ZPBP: variants seen among roughly 807,000 people sequenced by gnomAD.
The protein encoded by ZPBP is zona pellucida binding protein.
A neutral mutation model predicts 44.8 loss-of-function variants in ZPBP; 26 were observed. The ratio of observed to expected loss-of-function variants is 0.58; its 90% CI spans 0.43 to 0.81. The LOEUF is 0.81. Among genes scored for constraint, ZPBP ranks in the 30% least tolerant of loss-of-function variants. ZPBP has a pLI of 0.00. For missense variants in ZPBP, 409 were observed against 434.0 expected, an observed-to-expected ratio of 0.94 and a Z score of 0.51; for synonymous variants, 174 against 153.2, an observed-to-expected ratio of 1.14 and a Z score of -1.00.
intron 2 of ZPBP, among the ~76,000 whole-genome samples, chr7:49,851,029 G>A (rs1353320341): frequency 2.6e-5 from 4 of 152,208 alleles, no homozygotes; most frequent in Non-Finnish European, 5.9e-5. Flanking sequence ...CAGGCCAGAA[G>A]TCTAAAGTAG....
chr7:50,039,833 G>A (rs1799984682), intron 4 of ZPBP, among the ~76,000 whole-genome samples: 1 of 150,054 alleles, frequency 6.7e-6, no homozygotes, highest in African/African-American at 2.4e-5. Flanking sequence ...GATGTAATAT[G>A]TGTAATATTG....
intron 1 of ZPBP, among the ~76,000 whole-genome samples, chr7:49,924,843 C>T (rs991237858): frequency 2.6e-5 from 4 of 152,184 alleles, no homozygotes; most frequent in African/African-American, 7.2e-5. Flanking sequence ...ATTTGAGGAA[C>T]GACACCCCAG....
chr7:49,954,118 C>A (rs1241476072), intron 7 of ZPBP, among the ~76,000 whole-genome samples: 1 of 151,974 alleles, frequency 6.6e-6, no homozygotes, highest in Non-Finnish European at 1.5e-5. Context: ...CTATATAGCC[C>A]AATGGAACAG....
intron 7 of ZPBP, among the ~76,000 whole-genome samples, chr7:49,957,281 G>A (rs901435870): frequency 2.0e-5 from 3 of 152,194 alleles, no homozygotes; most frequent in Non-Finnish European, 4.4e-5. Context: ...AGTGGACTAA[G>A]ATAGAAAATT....
intron 7 of ZPBP, among the ~76,000 whole-genome samples, chr7:49,953,019 T>C (rs1375423330): frequency 6.6e-6 from 1 of 152,128 alleles, no homozygotes; most frequent in East Asian, 1.9e-4. Context: ...CACAAGGAAC[T>C]GTAACTCTTT....
intron 3 of ZPBP, among the ~76,000 whole-genome samples, chr7:50,075,080 C>T (rs540497035): frequency 3.8e-4 from 57 of 151,792 alleles, no homozygotes; most frequent in Admixed American, 9.2e-4. Context: ...TCTTCTCTGA[C>T]CACAATGGAA....
At chr7:50,091,849 G>T (rs1270419066) in intron 1 of ZPBP, among the ~76,000 whole-genome samples, 2 of 152,176 alleles carry the variant, frequency 1.3e-5, no homozygotes, top group Non-Finnish European at 2.9e-5. Context: ...ATAGCAAAGT[G>T]CAAAGAAAAG....
rs202222027 is a variant in ZPBP, at chr7:50,089,714, CA to C, written c.128-6del. On this transcript the variant is annotated splice_region_variant and splice_polypyrimidine_tract_variant and intron_variant, in intron 1 of 7. Transcript: ENST00000046087. Reference sequence around the variant, plus strand: ...GTAATCGAACCAAGTGTCCAACTATCAAAAAAAAAGATCAACAATTTGTCTC... The same window carrying C: ...GTAATCGAACCAAGTGTCCAACTATCAAAAAAAAGATCAACAATTTGTCTC... 2.4e-4 allele frequency: 372 copies of C among 1,579,602 alleles called. No individual in the cohort carries two copies. Among genetic ancestry groups the C allele is most frequent in the Middle Eastern group, 3.6e-4 (2 of 5,602 alleles).
At chr7:49,931,324 A>C (rs1794435742) in intron 1 of ZPBP, among the ~76,000 whole-genome samples, 1 of 152,250 alleles carries the variant, frequency 6.6e-6, no homozygotes, top group Non-Finnish European at 1.5e-5. Flanking sequence ...GGCTCAGAAG[A>C]AGACAAGAAA....
chr7:49,843,262 C>G, the ZPBP span, among the ~76,000 whole-genome samples: 1 of 152,152 alleles, frequency 6.6e-6, no homozygotes, highest in Non-Finnish European at 1.5e-5. Flanking sequence ...AATTCAAATT[C>G]TGGTTTAAAC....
In ZPBP at chr7:49,937,588, A is replaced by G; in HGVS notation, c.996T>C (p.Asp332=). The G allele has an allele frequency of 6.2e-7, 1 of 1,613,968 alleles. No homozygotes were observed. The highest frequency in any genetic ancestry group is 8.5e-7 in the Non-Finnish European group (1 of 1,179,880). Residue 332 remains aspartate, a synonymous_variant, in exon 8 of 8, where the codon GAT becomes GAC. Transcript: ENST00000046087. ...ICSPGSYNPR[D]GIHCLQCNSS... ...TATTGCATTGAAGGCAATGAATTCCATCACGGGGGTTATATGATCCAGGGC... is the reference window on the plus strand; with the variant it reads ...TATTGCATTGAAGGCAATGAATTCCGTCACGGGGGTTATATGATCCAGGGC...
At chr7:49,993,489 G>A (rs1797658076) in intron 6 of ZPBP, among the ~76,000 whole-genome samples, 1 of 152,124 alleles carries the variant, frequency 6.6e-6, no homozygotes, top group Non-Finnish European at 1.5e-5. Context: ...CAACTGGATT[G>A]AAAAGCAGTC....
chr7:50,025,417 T>A (rs185747355), intron 5 of ZPBP, among the ~76,000 whole-genome samples: 6 of 151,982 alleles, frequency 3.9e-5, no homozygotes, highest in Admixed American at 3.3e-4. Context: ...GATAGTATAG[T>A]ACTGATGAAA....
At chr7:49,984,647 C>T (rs905917683) in intron 6 of ZPBP, among the ~76,000 whole-genome samples, 3 of 152,108 alleles carry the variant, frequency 2.0e-5, no homozygotes, top group Non-Finnish European at 4.4e-5. Flanking sequence ...TGACAGGAAG[C>T]GGGGCTCAGG....
At chr7:50,062,961 G>A (rs368928274) in intron 3 of ZPBP, among the ~76,000 whole-genome samples, 16 of 135,236 alleles carry the variant, frequency 1.2e-4, no homozygotes, top group Admixed American at 8.7e-4. Context: ...ACAAAGAGTC[G>A]TTACCTTTTA....
Position 50,057,976 on chromosome 7 carries a change from CT to C in ZPBP, c.487+12del, listed in dbSNP as rs1377256656. 5 of 1,603,632 alleles carry C rather than the reference CT, an allele frequency of 3.1e-6. No individual in the cohort carries two copies. In the South Asian group the frequency reaches 5.5e-5, roughly 18 times the overall value. ...TTAAGAAAGGTTAAAACACAACTAA[CT>C]TTACTTCTTACCATATATAGCATAT... is the stretch of plus-strand genomic sequence containing the variant. On this transcript the variant is annotated intron_variant, in intron 4 of 7. Coordinates refer to ENST00000046087, the MANE Select transcript of ZPBP (RefSeq NM_007009.3).
At chr7:49,947,191 C>A (rs545261056) in intron 7 of ZPBP, among the ~76,000 whole-genome samples, 1 of 152,204 alleles carries the variant, frequency 6.6e-6, no homozygotes, top group South Asian at 2.1e-4. Flanking sequence ...CAAGATTGAT[C>A]ACCGGTGCCC....
chr7:50,050,730 C>T (rs891066099), intron 4 of ZPBP, among the ~76,000 whole-genome samples: 17 of 135,822 alleles, frequency 1.3e-4, no homozygotes, highest in African/African-American at 4.7e-4. Flanking sequence ...AAAAACTTAA[C>T]TCAAGATGGA....
intron 2 of ZPBP, among the ~76,000 whole-genome samples, chr7:49,894,588 C>A (rs1792289103): frequency 1.3e-5 from 2 of 152,236 alleles, no homozygotes; most frequent in African/African-American, 4.8e-5. Flanking sequence ...TGTACATATA[C>A]TGAGCTCTAG....
Sources: gnomAD v4.1 joint callset for allele counts (sites outside exome capture counted in the v4.1 genomes callset) on GRCh38, gnomAD v4.1.1 for gene constraint, MANE v1.5 for transcripts, NCBI Gene and HGNC (gene_info 2026-07-23, HGNC 2026-07-21) for gene names.